SLC24A2: variants seen among roughly 807,000 people sequenced by gnomAD.
The protein encoded by SLC24A2 is sodium/potassium/calcium exchanger 2.
A neutral mutation model predicts 62.0 loss-of-function variants in SLC24A2; 36 were observed. The ratio of observed to expected loss-of-function variants is 0.58; its 90% CI spans 0.44 to 0.77. The LOEUF (loss-of-function observed/expected upper bound fraction) is 0.77. Among genes scored for constraint, SLC24A2 ranks in the 30% least tolerant of loss-of-function variants. SLC24A2 has a pLI of 0.00. For missense variants in SLC24A2, 846 were observed against 817.9 expected (o/e 1.03, Z -0.42); for synonymous variants, 358 against 294.0 (o/e 1.22, Z -2.23).
intron 5 of SLC24A2, among the ~76,000 whole-genome samples, chr9:19,583,610 C>T (rs146147255): frequency 1.2e-3 from 187 of 152,196 alleles, no homozygotes; most frequent in African/African-American, 4.3e-3. Context: ...GCTTCCTGTA[C>T]GCCAATGACC....
At chr9:19,648,201 G>A (rs1329723256) in intron 2 of SLC24A2, among the ~76,000 whole-genome samples, 2 of 152,172 alleles carry the variant, frequency 1.3e-5, no homozygotes, top group East Asian at 3.8e-4. Context: ...GAATAGAGGT[G>A]CAGCAAGGTT....
chr9:19,941,442 A>T, the SLC24A2 span, among the ~76,000 whole-genome samples: 18 of 152,248 alleles, frequency 1.2e-4, no homozygotes, highest in African/African-American at 3.9e-4. Context: ...CTACTTTAGT[A>T]ATTGAGTTAA....
At chr9:20,029,005 A>G in the SLC24A2 span, among the ~76,000 whole-genome samples, 5 of 152,182 alleles carry the variant, frequency 3.3e-5, no homozygotes, top group Admixed American at 1.3e-4. Flanking sequence ...TGTGGAGGCT[A>G]CTTGAAAGTT....
the SLC24A2 span, among the ~76,000 whole-genome samples, chr9:19,851,050 G>A: frequency 9.1e-6 from 1 of 109,710 alleles, no homozygotes; most frequent in Non-Finnish European, 1.8e-5. Flanking sequence ...TTTTTGAGAT[G>A]GAGTCTCTTG....
At chr9:20,100,157 G>A in the SLC24A2 span, among the ~76,000 whole-genome samples, 10 of 152,080 alleles carry the variant, frequency 6.6e-5, no homozygotes, top group East Asian at 9.7e-4. Flanking sequence ...GATGGCAGGC[G>A]CATGCCACTT....
chr9:19,730,468 C>T (rs1197913034), intron 2 of SLC24A2, among the ~76,000 whole-genome samples: 2 of 152,086 alleles, frequency 1.3e-5, no homozygotes, highest in Non-Finnish European at 2.9e-5. Flanking sequence ...TTATAGAAAA[C>T]AACCTAAATT....
Position 19,788,934 on chromosome 9 carries a change from C to T in SLC24A2, c.-203G>A. On this transcript the variant is annotated 5_prime_UTR_variant, in exon 1 of 11. Coordinates refer to ENST00000341998, the MANE Select transcript of SLC24A2 (RefSeq NM_020344.4). ...CACGGCGGGGCCCCCGAGCGCGGCC[C>T]GCCGCTCCAGTCCGCCGGCCCTCCG... 7.1e-6 allele frequency: 7 copies of T among 985,182 alleles called. No individual in the cohort carries two copies. The highest frequency in any genetic ancestry group is 1.7e-5 in the African/African-American group (1 of 57,370). 61.0% of individuals were successfully genotyped at this position (985,182 alleles called of 1,614,324 possible).
the SLC24A2 span, among the ~76,000 whole-genome samples, chr9:19,830,233 T>C: frequency 6.6e-6 from 1 of 152,198 alleles, no homozygotes; most frequent in Non-Finnish European, 1.5e-5. Context: ...CTAGACACTT[T>C]GTTTTGTTTC....
chr9:20,068,065 T>G, the SLC24A2 span, among the ~76,000 whole-genome samples: 2 of 143,448 alleles, frequency 1.4e-5, no homozygotes, highest in Non-Finnish European at 3.0e-5. Flanking sequence ...CTCTTTTTTT[T>G]TTTTTTTTTT....
intron 8 of SLC24A2, among the ~76,000 whole-genome samples, chr9:19,544,966 T>G (rs577147360): frequency 1.0e-3 from 155 of 152,346 alleles, no homozygotes; most frequent in Admixed American, 1.7e-3. Flanking sequence ...AATTTGAACG[T>G]TGGCCTGTCT....
chr9:19,706,057 T>G (rs1336610961), intron 2 of SLC24A2, among the ~76,000 whole-genome samples: 3 of 152,228 alleles, frequency 2.0e-5, no homozygotes, highest in Admixed American at 6.5e-5. Context: ...ATTATTATTG[T>G]GTGGGAGTCC....
At chr9:19,763,788 C>T (rs1395020168) in intron 2 of SLC24A2, among the ~76,000 whole-genome samples, 1 of 152,064 alleles carries the variant, frequency 6.6e-6, no homozygotes, top group Non-Finnish European at 1.5e-5. Flanking sequence ...TTTGTTGTGT[C>T]TCTGCCAGGT....
chr9:20,179,263 C>A, the SLC24A2 span, among the ~76,000 whole-genome samples: 39 of 152,240 alleles, frequency 2.6e-4, no homozygotes, highest in Admixed American at 1.2e-3. Flanking sequence ...CAGTACAGAA[C>A]CATGGGATGT....
At chr9:20,048,493 T>C in the SLC24A2 span, among the ~76,000 whole-genome samples, 1 of 145,440 alleles carries the variant, frequency 6.9e-6, no homozygotes, top group Non-Finnish European at 1.5e-5. Context: ...ATGTGTCAAA[T>C]GGGATATTAT....
At chr9:19,808,896 G>T in the SLC24A2 span, among the ~76,000 whole-genome samples, 2 of 152,244 alleles carry the variant, frequency 1.3e-5, no homozygotes, top group East Asian at 3.9e-4. The surrounding 1 kb of genome is among the most constrained non-coding windows in gnomAD (Gnocchi z 4.1). Flanking sequence ...GATTTACCAT[G>T]CCTTACAAAT....
intron 2 of SLC24A2, among the ~76,000 whole-genome samples, chr9:19,752,638 C>T (rs1193659106): frequency 6.6e-6 from 1 of 151,162 alleles, no homozygotes; most frequent in Non-Finnish European, 1.5e-5. Flanking sequence ...AAACCTAACT[C>T]ATATGGTTGT....
chr9:19,805,699 T>C, the SLC24A2 span, among the ~76,000 whole-genome samples: 1 of 152,064 alleles, frequency 6.6e-6, no homozygotes, highest in Non-Finnish European at 1.5e-5. Context: ...GTTACCCTGA[T>C]TGGTTCTTTT....
intron 2 of SLC24A2, among the ~76,000 whole-genome samples, chr9:19,738,665 C>A (rs890020004): frequency 6.6e-6 from 1 of 151,942 alleles, no homozygotes; most frequent in Non-Finnish European, 1.5e-5. Context: ...TGTGAATATA[C>A]TACAATTTAT....
chr9:19,865,487 G>A, the SLC24A2 span, among the ~76,000 whole-genome samples: 3 of 152,064 alleles, frequency 2.0e-5, no homozygotes, highest in Non-Finnish European at 2.9e-5. Context: ...AAACACCATG[G>A]TACTGGCATA....
Sources: gnomAD v4.1 joint callset for allele counts (sites outside exome capture counted in the v4.1 genomes callset) on GRCh38, gnomAD v4.1.1 for gene constraint, Gnocchi (gnomAD v3.1) non-coding constraint, MANE v1.5 for transcripts, NCBI Gene and HGNC (gene_info 2026-07-23, HGNC 2026-07-21) for gene names.